Variants in PARP11 observed in about 807,000 individuals in gnomAD.
PARP11 encodes the protein protein mono-ADP-ribosyltransferase PARP11.
In PARP11, 31 loss-of-function variants were observed where a neutral mutation model predicts 42.9. The ratio of observed to expected loss-of-function variants is 0.72; its 90% confidence interval spans 0.54 to 0.98. The LOEUF (loss-of-function observed/expected upper bound fraction) is 0.98, where lower values mean the gene tolerates loss of function less well. Ranked by LOEUF, PARP11 falls within the 50% of genes least tolerant of loss-of-function variation. The probability of loss-of-function intolerance (pLI) is 0.00; values close to 1 mark genes in which losing one functional copy is unlikely to be tolerated. For missense variants in PARP11, 365 were observed against 413.1 expected (o/e 0.88, Z 1.01); for synonymous variants, 137 against 127.3 (o/e 1.08, Z -0.51).
At chr12:3,838,248 TCA>T (rs1457854682) in intron 1 of PARP11, among the ~76,000 whole-genome samples, 1 of 151,766 alleles carries the variant, frequency 6.6e-6, no homozygotes, top group Non-Finnish European at 1.5e-5. Flanking sequence ...AGAAATCGTA[TCA>T]CTTATCTTTT....
Position 3,829,537 on chromosome 12 carries a change from C to G in PARP11, c.147+353G>C, listed in dbSNP as rs1947594524. On this transcript the variant is annotated intron_variant, in intron 2 of 7. Transcript: ENST00000228820. ...TTACTGTGAGGATAAGGGAGAAAAT[C>G]AATGTACAACACCTAACATAATACC... 2.0e-5 allele frequency among the ~76,000 whole-genome samples: 3 copies of G among 152,162 alleles called. No homozygotes were observed. In the South Asian group the frequency reaches 6.2e-4, roughly 31 times the overall value.
chr12:3,827,114 T>C (rs573852986), intron 3 of PARP11, among the ~76,000 whole-genome samples: 6 of 152,348 alleles, frequency 3.9e-5, no homozygotes, highest in Middle Eastern at 3.4e-3. Context: ...TGTGATGCCA[T>C]CTTCTTGGAC....
chr12:3,845,751 A>G (rs1947982834), intron 1 of PARP11, among the ~76,000 whole-genome samples: 1 of 152,182 alleles, frequency 6.6e-6, no homozygotes, highest in African/African-American at 2.4e-5. Flanking sequence ...TTATTTTCAA[A>G]TAACTAAGGT....
chr12:3,837,280 C>A (rs559936520), intron 1 of PARP11, among the ~76,000 whole-genome samples: 2 of 152,262 alleles, frequency 1.3e-5, no homozygotes, highest in Admixed American at 1.3e-4. Flanking sequence ...CTGAGAAAAA[C>A]CTGAGCGTAA....
chr12:3,812,174 C>G lies in PARP11; in HGVS notation c.966G>C (p.Val322=), dbSNP rs1301389487. 1 of 1,613,664 alleles carries G rather than the reference C, an allele frequency of 6.2e-7. No individual in the cohort carries two copies. The highest frequency in any genetic ancestry group is 8.5e-7 in the Non-Finnish European group (1 of 1,179,980). Residue 322 remains valine (V), a synonymous_variant, in exon 8 of 8, where the codon GTG becomes GTC. Transcript: ENST00000228820. ...VDDTWNPKIF[V]VFDANQIYPE... ...GATAGATTTGGTTGGCATCAAAAAC[C>G]ACAAAGATCTTTGGGTTCCAGGTAT...
At chr12:3,871,198 T>C (rs1948471501) in intron 1 of PARP11, among the ~76,000 whole-genome samples, 1 of 152,182 alleles carries the variant, frequency 6.6e-6, no homozygotes, top group African/African-American at 2.4e-5. Flanking sequence ...GAATACTGAT[T>C]ATAGGAAATT....
chr12:3,850,913 G>C (rs1948085037), intron 1 of PARP11, among the ~76,000 whole-genome samples: 1 of 152,100 alleles, frequency 6.6e-6, no homozygotes, highest in African/African-American at 2.4e-5. Context: ...TGAAAGTAAT[G>C]AACAGAAGTT....
At chr12:3,817,118 G>C (rs1468891619) in intron 6 of PARP11, among the ~76,000 whole-genome samples, 1 of 152,024 alleles carries the variant, frequency 6.6e-6, no homozygotes, top group African/African-American at 2.4e-5. Flanking sequence ...ATGAACCCCG[G>C]AGGCGGAACT....
In PARP11 at chr12:3,821,419, A is replaced by C. The variant is rs1947389057; in HGVS notation, c.548+454T>G. On this transcript the variant is annotated intron_variant, in intron 6 of 7. Coordinates refer to ENST00000228820, the MANE Select transcript of PARP11 (RefSeq NM_020367.6). ...AATCCAGTAAGGAATTGAGATTTTA[A>C]ATCTACAAAATAAACTTTAGGCTAA... Among the ~76,000 whole-genome samples the C allele has an allele frequency of 1.3e-5, 2 of 152,238 alleles. 1 individual carries two copies. Among genetic ancestry groups the C allele is most frequent in the South Asian group, 4.1e-4 (2 of 4,834 alleles).
rs374674534 is a variant in PARP11, at chr12:3,822,189, A to G, written c.345-32T>C. The G allele has an allele frequency of 4.8e-5, 74 of 1,532,016 alleles. 1 individual carries two copies. The Middle Eastern group carries it at 1.0e-3, about 21-fold the overall frequency. 94.9% of individuals were successfully genotyped at this position (1,532,016 alleles called of 1,614,324 possible). A position where few individuals can be genotyped will look rare whatever the true frequency, so the allele number is the denominator to read the frequency against. Reference sequence around the variant, plus strand: ...ACAGCAAAAGAGAAAACAAAATATCAGAAGCCGATTACAATTACTGTCAAG... The same window carrying G: ...ACAGCAAAAGAGAAAACAAAATATCGGAAGCCGATTACAATTACTGTCAAG... On this transcript the variant is annotated intron_variant, in intron 4 of 7. Coordinates refer to ENST00000228820, the MANE Select transcript of PARP11 (RefSeq NM_020367.6).
chr12:3,826,027 C>T (rs900586105), intron 4 of PARP11, 131 bp downstream of exon 4: 111 of 579,094 alleles, frequency 1.9e-4, no homozygotes, highest in African/African-American at 1.9e-3. Context: ...CTGCGCCTGG[C>T]CCAAGATTTG....
Position 3,825,953 on chromosome 12 carries a change from A to C in PARP11, c.344+205T>G, listed in dbSNP as rs189576232. Among the ~76,000 whole-genome samples the C allele has an allele frequency of 3.9e-5, 6 of 152,134 alleles. No individual in the cohort carries two copies. The East Asian group carries it at 1.2e-3, about 29-fold the overall frequency. On this transcript the variant is annotated intron_variant, in intron 4 of 7. Transcript: ENST00000228820. ...CCGTGTGTTAGCCAAGATGGTCTCG[A>C]TCTCCTGACTCGTGATCAGGCCGCC...
At chr12:3,854,834 G>A (rs541606136) in intron 1 of PARP11, among the ~76,000 whole-genome samples, 4 of 152,150 alleles carry the variant, frequency 2.6e-5, no homozygotes, top group Admixed American at 2.6e-4. Flanking sequence ...CAAAAAAAAA[G>A]AGAATTTTAG....
rs768168130 is a variant in PARP11 at position 3,828,893 on chromosome 12, T to C, written c.268+17A>G. On this transcript the variant is annotated intron_variant, in intron 3 of 7. Transcript: ENST00000228820. ...CAATATACTAAAAACACACAACTATTAGGGAAAAAAACATACCTGCAAAGT... is the reference window on the plus strand; with the variant it reads ...CAATATACTAAAAACACACAACTATCAGGGAAAAAAACATACCTGCAAAGT... 1 of 1,611,082 alleles carries C rather than the reference T, an allele frequency of 6.2e-7. No individual in the cohort carries two copies. Among genetic ancestry groups the C allele is most frequent in the Non-Finnish European group, 8.5e-7 (1 of 1,177,900 alleles).
intron 1 of PARP11, among the ~76,000 whole-genome samples, chr12:3,844,487 C>T (rs1947959398): frequency 1.3e-5 from 2 of 152,074 alleles, no homozygotes; most frequent in South Asian, 4.2e-4. Flanking sequence ...GATAGAAACA[C>T]CAGATTTGAA....
chr12:3,815,133 T>G (rs1226060615), intron 6 of PARP11: 3 of 438,566 alleles, frequency 6.8e-6, no homozygotes, highest in African/African-American at 6.1e-5. Flanking sequence ...TGCAAACTAT[T>G]TGCTGCATTT....
intron 1 of PARP11, among the ~76,000 whole-genome samples, chr12:3,851,571 T>C (rs144695454): frequency 8.5e-4 from 129 of 152,304 alleles, no homozygotes; most frequent in African/African-American, 2.7e-3. Context: ...GTTTCCACCA[T>C]TGCTGAGGCT....
intron 1 of PARP11, among the ~76,000 whole-genome samples, chr12:3,859,097 CA>C (rs750995549): frequency 0.017 from 1,525 of 89,170 alleles, 13 homozygotes; most frequent in Middle Eastern, 0.021. Flanking sequence ...GACTCCATCT[CA>C]AAAAAAAAAA....
chr12:3,873,243 T>C lies in PARP11; in HGVS notation c.-14A>G. ...CGCTTCCCACATAACGGTGACAAAATCGAGCGGAGAGAGCCTGTGGGAAGG... is the reference window on the plus strand; with the variant it reads ...CGCTTCCCACATAACGGTGACAAAACCGAGCGGAGAGAGCCTGTGGGAAGG... On this transcript the variant is annotated 5_prime_UTR_variant, in exon 1 of 8. Coordinates refer to ENST00000228820, the MANE Select transcript of PARP11 (RefSeq NM_020367.6). 1 of 1,478,668 alleles carries C rather than the reference T, an allele frequency of 6.8e-7. No homozygotes were observed. The highest frequency in any genetic ancestry group is 9.1e-7 in the Non-Finnish European group (1 of 1,102,784). The allele number at this position is 1,478,668 out of a possible 1,614,324, so 91.6% of individuals were successfully genotyped here.
Sources: gnomAD v4.1 joint callset for allele counts (sites outside exome capture counted in the v4.1 genomes callset) on GRCh38, gnomAD v4.1.1 for gene constraint, MANE v1.5 for transcripts, NCBI Gene and HGNC (gene_info 2026-07-23, HGNC 2026-07-21) for gene names.